Variants in LSS observed in about 807,000 individuals in gnomAD.
LSS encodes lanosterol synthase.
Under a neutral mutation model 110.3 loss-of-function variants are expected in LSS, and 90 were observed. The ratio of observed to expected loss-of-function variants is 0.82; its 90% CI spans 0.69 to 0.97. LSS has a LOEUF of 0.97. Among genes scored for constraint, LSS ranks in the 50% least tolerant of loss-of-function variants. The pLI, the probability that LSS is intolerant of heterozygous loss-of-function variation, is 0.00. For missense variants in LSS, 927 were observed against 990.0 expected, an observed-to-expected ratio of 0.94 and a Z score of 0.85; for synonymous variants, 433 against 400.0, an observed-to-expected ratio of 1.08 and a Z score of -0.98.
At chr21:46,221,306 AG>A (rs1450878084) in intron 5 of LSS, among the ~76,000 whole-genome samples, 2 of 152,132 alleles carry the variant, frequency 1.3e-5, no homozygotes, top group Non-Finnish European at 2.9e-5. Context: ...GGTTCGTTTA[AG>A]TTTTTGCCAA....
intron 17 of LSS, among the ~76,000 whole-genome samples, chr21:46,200,082 A>C (rs943730062): frequency 2.0e-5 from 3 of 152,238 alleles, no homozygotes; most frequent in Admixed American, 6.5e-5. Context: ...GTAAATTTAA[A>C]GCTGCTATAA....
Position 46,216,253 on chromosome 21 carries a change from G to A in LSS, c.783+136C>T, listed in dbSNP as rs1601440393. The A allele has an allele frequency of 4.7e-6, 5 of 1,054,216 alleles. No homozygotes were observed. The East Asian group carries it at 1.2e-4, about 25-fold the overall frequency. 65.3% of individuals were successfully genotyped at this position (1,054,216 alleles called of 1,614,324 possible). A position where few individuals can be genotyped will look rare whatever the true frequency, so the allele number is the denominator to read the frequency against. ...GTTTATTATAGGATGGAGGAAGGTG[G>A]AGGCTCTGCTCCACAGGGCTCTCCG... On this transcript the variant is annotated intron_variant, in intron 7 of 21. Transcript: ENST00000397728. The surrounding 1 kb of genome is among the most constrained non-coding windows in gnomAD (Gnocchi z 4.2).
chr21:46,190,810 C>G lies in LSS; in HGVS notation c.*294G>C, dbSNP rs2079799816. 1 of 424,700 alleles carries G rather than the reference C, an allele frequency of 2.4e-6. No individual in the cohort carries two copies. The highest frequency in any genetic ancestry group is 4.3e-6 in the Non-Finnish European group (1 of 234,278). 26.3% of individuals were successfully genotyped at this position (424,700 alleles called of 1,614,324 possible). ...CTAGCCTCACTACCTTGAGGCCGTG[C>G]CCAGAGGTGGCAGAAGGCGCTGTGC... On this transcript the variant is annotated 3_prime_UTR_variant, in exon 22 of 22. Transcript: ENST00000397728. This position sits in a 1 kb window ranked among gnomAD's most constrained non-coding sequence, Gnocchi z 4.6.
At position 46,205,276 on chromosome 21, in the gene LSS, C is replaced by T. The variant is rs995622304; in HGVS notation, c.1670+560G>A. Among the ~76,000 whole-genome samples the T allele has an allele frequency of 3.5e-5, 5 of 142,664 alleles. No homozygotes were observed. In the East Asian group the frequency reaches 9.9e-4, roughly 28 times the overall value. 93.6% of individuals were successfully genotyped at this position (142,664 alleles called of 152,430 possible). A position where few individuals can be genotyped will look rare whatever the true frequency, so the allele number is the denominator to read the frequency against. On this transcript the variant is annotated intron_variant, in intron 17 of 21. Transcript: ENST00000397728. ...GAGAACGCTGCTGTTACCCGAGCCACCTGACTAACCGCGAGCAGGAGAGCA... is the reference window on the plus strand; with the variant it reads ...GAGAACGCTGCTGTTACCCGAGCCATCTGACTAACCGCGAGCAGGAGAGCA...
chr21:46,190,878 G>T lies in LSS; in HGVS notation c.*226C>A. ...CTCCTGTGCCCCCTTCCTCACCCAAGCCCGACAAGCTACTTTCAGAAATGA... is the reference window on the plus strand; with the variant it reads ...CTCCTGTGCCCCCTTCCTCACCCAATCCCGACAAGCTACTTTCAGAAATGA... On this transcript the variant is annotated 3_prime_UTR_variant, in exon 22 of 22. Coordinates refer to ENST00000397728, the MANE Select transcript of LSS (RefSeq NM_002340.6). The surrounding 1 kb of genome is among the most constrained non-coding windows in gnomAD (Gnocchi z 4.6). 1.8e-6 allele frequency: 1 copy of T among 548,704 alleles called. No homozygotes were observed. The allele number at this position is 548,704 out of a possible 1,614,324, so 34.0% of individuals were successfully genotyped here.
At chr21:46,220,961 G>C (rs1309646482) in intron 5 of LSS, among the ~76,000 whole-genome samples, 1 of 150,290 alleles carries the variant, frequency 6.7e-6, no homozygotes, top group Non-Finnish European at 1.5e-5. Flanking sequence ...AGACAGTTGG[G>C]GCTTGGAGAG....
At position 46,216,701 on chromosome 21, in the gene LSS, G is replaced by C. The variant is rs1054779573; in HGVS notation, c.648-177C>G. ...TCCTGAGGGGCACAGTTGAACCATA[G>C]GTGCACCCTCTGAGGAGCTGCACCT... On this transcript the variant is annotated intron_variant, in intron 6 of 21. Coordinates refer to ENST00000397728, the MANE Select transcript of LSS (RefSeq NM_002340.6). This position sits in a 1 kb window ranked among gnomAD's most constrained non-coding sequence, Gnocchi z 4.2. Among the ~76,000 whole-genome samples the C allele has an allele frequency of 3.3e-5, 5 of 152,150 alleles. No homozygotes were observed. The highest frequency in any genetic ancestry group is 1.2e-4 in the African/African-American group (5 of 41,428).
chr21:46,228,201 A>G (rs906392358), intron 2 of LSS, among the ~76,000 whole-genome samples: 6 of 152,368 alleles, frequency 3.9e-5, no homozygotes, highest in East Asian at 3.9e-4. Context: ...TAAGTCAAAA[A>G]TTATCTCAAA....
chr21:46,218,254 A>G (rs1024522811), intron 6 of LSS, among the ~76,000 whole-genome samples: 2 of 152,126 alleles, frequency 1.3e-5, no homozygotes, highest in South Asian at 2.1e-4. Flanking sequence ...CCCAAAATGC[A>G]TAACGGGGTA....
intron 13 of LSS, 64 bp from the exon 14 acceptor site, chr21:46,208,365 G>T: frequency 7.3e-7 from 1 of 1,375,722 alleles, no homozygotes; most frequent in Non-Finnish European, 1.0e-6. Flanking sequence ...TCCCCATCTG[G>T]GACATCGCTG....
At chr21:46,221,806 T>A in intron 5 of LSS, 48 bp downstream of exon 5, 2 of 1,611,792 alleles carry the variant, frequency 1.2e-6, no homozygotes, top group South Asian at 1.1e-5. Context: ...GAGCTCATTA[T>A]CGAGTTGACA....
In LSS at chr21:46,191,120, A is replaced by G. The variant is rs2079806961; in HGVS notation, c.2183T>C (p.Leu728Pro). Residue 728 changes from leucine to proline, a missense_variant, in exon 22 of 22, where the codon CTT (leucine) becomes CCT (proline). Leu to Pro is a moderately conservative substitution (Grantham distance 98, BLOSUM62 -3). Coordinates refer to ENST00000397728, the MANE Select transcript of LSS (RefSeq NM_002340.6). ...GGCATGTTCTCAGGGGTGGCCAGCA[A>G]GGGCTCTCTCAGGGTACAGCTGGGA... Reference protein sequence around the residue: ...RFSQLYPERALAGHP With the variant: ...RFSQLYPERAPAGHP 1 of 1,614,026 alleles carries G rather than the reference A, an allele frequency of 6.2e-7. No individual in the cohort carries two copies. The highest frequency in any genetic ancestry group is 8.5e-7 in the Non-Finnish European group (1 of 1,180,028).
chr21:46,215,906 C>G, intron 7 of LSS, 113 bp from the exon 8 acceptor site: 1 of 684,050 alleles, frequency 1.5e-6, no homozygotes, highest in East Asian at 2.8e-5. Context: ...CCAGTCCCTT[C>G]CTGGGTGGGG....
Position 46,196,190 on chromosome 21 carries a change from A to C in LSS, c.1736+12T>G. 1.9e-6 allele frequency: 3 copies of C among 1,613,478 alleles called. No individual in the cohort carries two copies. Among genetic ancestry groups the C allele is most frequent in the African/African-American group, 1.3e-5 (1 of 75,034 alleles). On this transcript the variant is annotated intron_variant, in intron 18 of 21. Transcript: ENST00000397728. ...CGTGCATCTCTGCACTCACGAGTGG[A>C]GGCTCACTCACCCTTCCCAGGAGCC...
chr21:46,206,041 C>G, intron 16 of LSS, 100 bp from the exon 17 acceptor site: 1 of 902,920 alleles, frequency 1.1e-6, no homozygotes, highest in Non-Finnish European at 1.7e-6. Flanking sequence ...TTGCAGTGAG[C>G]CCGGGCCCGG....
intron 18 of LSS, 94 bp from the exon 19 acceptor site, chr21:46,195,850 G>C: frequency 2.0e-6 from 2 of 993,514 alleles, no homozygotes; most frequent in Non-Finnish European, 3.1e-6. Context: ...ACGTGCCCCA[G>C]CCAGCCCACC....
At position 46,214,915 on chromosome 21, in the gene LSS, G is replaced by C. The variant is rs143244339; in HGVS notation, c.1011+265C>G. On this transcript the variant is annotated intron_variant, in intron 9 of 21. Coordinates refer to ENST00000397728, the MANE Select transcript of LSS (RefSeq NM_002340.6). ...AGATCTCAGGGAGGGGCCTCTAGGA[G>C]AGTGTCCAGGCACACTGAGGACAAG... Among the ~76,000 whole-genome samples the C allele has an allele frequency of 1.8e-3, 269 of 152,236 alleles. 2 individuals are homozygous for C. In the Middle Eastern group the frequency reaches 0.02, roughly 12 times the overall value.
rs536156669 is a variant in LSS, at chr21:46,195,477, G to C, written c.1817+199C>G. The stretch of plus-strand genomic sequence containing the variant: ...GTGATCCCAGCTACTCGGGAGGATC[G>C]CTTGAGCCCACGAGTTTGAGACTGC... On this transcript the variant is annotated intron_variant, in intron 19 of 21. Coordinates refer to ENST00000397728, the MANE Select transcript of LSS (RefSeq NM_002340.6). 8.5e-5 allele frequency among the ~76,000 whole-genome samples: 13 copies of C among 152,324 alleles called. 1 individual carries two copies. The East Asian group carries it at 2.5e-3, about 29-fold the overall frequency.
At chr21:46,221,406 G>C (rs1177846706) in intron 5 of LSS, among the ~76,000 whole-genome samples, 2 of 152,134 alleles carry the variant, frequency 1.3e-5, no homozygotes, top group African/African-American at 4.8e-5. Flanking sequence ...ACCCAGGCTA[G>C]AGTGCGGTAG....
Sources: allele counts gnomAD v4.1 joint callset (sites outside exome capture counted in the v4.1 genomes callset), GRCh38; gene constraint gnomAD v4.1.1; non-coding constraint Gnocchi (gnomAD v3.1); transcripts MANE v1.5; gene names NCBI Gene and HGNC (gene_info 2026-07-23, HGNC 2026-07-21).